The following TSPEAR variants were observed in gnomAD, a reference collection of about 807,000 sequenced individuals.
The protein encoded by TSPEAR is thrombospondin type laminin G domain and EAR repeats, also known as thrombospondin-type laminin G domain and EAR repeat-containing protein.
A neutral mutation model predicts 71.6 loss-of-function variants in TSPEAR; 69 were observed. That is an observed-to-expected ratio of 0.96 (90% CI 0.79 to 1.18). TSPEAR has a LOEUF of 1.18. Among genes scored for constraint, TSPEAR ranks in the 50% most tolerant of loss-of-function variants. The probability of loss-of-function intolerance (pLI) is 0.00; values close to 1 mark genes in which losing one functional copy is unlikely to be tolerated. For missense variants in TSPEAR, 971 were observed against 894.9 expected (o/e 1.09, Z -1.09); for synonymous variants, 402 against 387.2 (o/e 1.04, Z -0.45).
intron 1 of TSPEAR, chr21:44,654,402 A>G (rs369651413): frequency 1.9e-5 from 30 of 1,614,064 alleles, no homozygotes; most frequent in Non-Finnish European, 2.4e-5. Flanking sequence ...TCACAGGCAC[A>G]CAGCAGGCCA....
intron 1 of TSPEAR, among the ~76,000 whole-genome samples, chr21:44,602,865 C>T (rs1165233888): frequency 3.3e-5 from 5 of 152,138 alleles, no homozygotes; most frequent in African/African-American, 7.2e-5. Flanking sequence ...TGATTTTGCT[C>T]AGTGTCCTCC....
intron 1 of TSPEAR, among the ~76,000 whole-genome samples, chr21:44,603,137 G>A (rs1046992446): frequency 6.6e-6 from 1 of 152,104 alleles, no homozygotes; most frequent in Non-Finnish European, 1.5e-5. Flanking sequence ...CGCCTGCAAC[G>A]AGCTGTCCCT....
chr21:44,601,505 C>T (rs782308706), intron 1 of TSPEAR: 107 of 1,612,666 alleles, frequency 6.6e-5, no homozygotes, highest in Middle Eastern at 1.6e-4. Flanking sequence ...AGCTGCCAGC[C>T]GGCTTGCTGC....
At chr21:44,640,012 G>A (rs1485821855) in intron 1 of TSPEAR, among the ~76,000 whole-genome samples, 1 of 152,208 alleles carries the variant, frequency 6.6e-6, no homozygotes, top group Non-Finnish European at 1.5e-5. Flanking sequence ...GTGTGACCCT[G>A]TGACCCTGTC....
At chr21:44,601,337 G>A in intron 1 of TSPEAR, 3 of 1,613,490 alleles carry the variant, frequency 1.9e-6, no homozygotes, top group Non-Finnish European at 2.5e-6. Flanking sequence ...CCCGTCTGCT[G>A]TGTGCCCACC....
At chr21:44,606,663 T>C (rs1981335463) in intron 1 of TSPEAR, among the ~76,000 whole-genome samples, 1 of 152,198 alleles carries the variant, frequency 6.6e-6, no homozygotes, top group African/African-American at 2.4e-5. Context: ...GTGTGGCATA[T>C]ATACACAATG....
chr21:44,543,417 A>G (rs1390942593), intron 2 of TSPEAR, among the ~76,000 whole-genome samples: 1 of 152,230 alleles, frequency 6.6e-6, no homozygotes, highest in Non-Finnish European at 1.5e-5. Flanking sequence ...TTCATGTTAT[A>G]ATCTCCACTA....
chr21:44,606,631 A>G (rs1448540524), intron 1 of TSPEAR, among the ~76,000 whole-genome samples: 4 of 152,222 alleles, frequency 2.6e-5, no homozygotes, highest in Non-Finnish European at 4.4e-5. Flanking sequence ...TCAGTTCATC[A>G]ATTGATGAAT....
At position 44,528,432 on chromosome 21, in the gene TSPEAR, C is replaced by T. The variant is rs375774059; in HGVS notation, c.922+20G>A. 1.5e-4 allele frequency: 235 copies of T among 1,613,110 alleles called. No homozygotes were observed. The highest frequency in any genetic ancestry group is 1.8e-4 in the Non-Finnish European group (212 of 1,179,756). On this transcript the variant is annotated intron_variant, in intron 6 of 11. Coordinates refer to ENST00000323084, the MANE Select transcript of TSPEAR (RefSeq NM_144991.3). ...AGAGTGGCCCTGCATGCCAACGCCCCGGGTGCAGGGCTGCCTCACCTGCTA... is the reference window on the plus strand; with the variant it reads ...AGAGTGGCCCTGCATGCCAACGCCCTGGGTGCAGGGCTGCCTCACCTGCTA...
intron 1 of TSPEAR, among the ~76,000 whole-genome samples, chr21:44,583,298 A>G (rs1979127632): frequency 6.6e-6 from 1 of 152,160 alleles, no homozygotes; most frequent in Admixed American, 6.5e-5. Context: ...TGCAAGTGAC[A>G]CACGTTTGGA....
intron 2 of TSPEAR, among the ~76,000 whole-genome samples, chr21:44,562,644 G>C (rs186191641): frequency 2.6e-5 from 4 of 152,216 alleles, no homozygotes; most frequent in Admixed American, 1.3e-4. Flanking sequence ...TTATTTATAA[G>C]AGAACCATAA....
At chr21:44,616,896 C>T (rs1233707685) in intron 1 of TSPEAR, among the ~76,000 whole-genome samples, 2 of 152,212 alleles carry the variant, frequency 1.3e-5, no homozygotes, top group African/African-American at 4.8e-5. Context: ...AACAACCCAG[C>T]GAATTCAACA....
At chr21:44,573,685 G>T in intron 1 of TSPEAR, 1 of 1,566,634 alleles carries the variant, frequency 6.4e-7, no homozygotes, top group Non-Finnish European at 8.7e-7. Context: ...CCACAAACCC[G>T]AGCACCTCAC....
rs202206811 is a variant in TSPEAR, at chr21:44,580,443, A to G, written c.83-12438T>C. 43 of 1,613,026 alleles carry G rather than the reference A, an allele frequency of 2.7e-5. No homozygotes were observed. The highest frequency in any genetic ancestry group is 7.7e-5 in the South Asian group (7 of 91,028). On this transcript the variant is annotated intron_variant, in intron 1 of 11. Coordinates refer to ENST00000323084, the MANE Select transcript of TSPEAR (RefSeq NM_144991.3). The stretch of plus-strand genomic sequence containing the variant: ...GCCTGGCAGCAGGGGCTGGACACAC[A>G]GCTCACTGGGGTGCAGACCAGGGTC...
intron 2 of TSPEAR, among the ~76,000 whole-genome samples, chr21:44,538,629 T>G (rs373538366): frequency 8.2e-4 from 125 of 152,220 alleles, no homozygotes; most frequent in African/African-American, 2.9e-3. Context: ...TGACCAGGCC[T>G]GGAGGCTGCA....
At chr21:44,621,341 A>G (rs1181589734) in intron 1 of TSPEAR, among the ~76,000 whole-genome samples, 1 of 152,194 alleles carries the variant, frequency 6.6e-6, no homozygotes, top group Non-Finnish European at 1.5e-5. Context: ...TTTTTGTTTC[A>G]TATACATTGG....
At chr21:44,701,893 C>A (rs781836151) in intron 1 of TSPEAR, among the ~76,000 whole-genome samples, 3 of 152,196 alleles carry the variant, frequency 2.0e-5, no homozygotes, top group Non-Finnish European at 2.9e-5. Flanking sequence ...AGCTGCAATT[C>A]TGTGTCTTTC....
At chr21:44,666,059 G>A (rs9982452) in intron 1 of TSPEAR, 125,201 of 176,076 alleles carry the variant, frequency 0.71, 45,097 homozygotes, top group African/African-American at 0.82. Flanking sequence ...CCCTCCACCC[G>A]GGACACCACC....
chr21:44,628,708 C>T (rs1555935158), intron 1 of TSPEAR, among the ~76,000 whole-genome samples: 2 of 152,032 alleles, frequency 1.3e-5, no homozygotes, highest in African/African-American at 4.8e-5. Context: ...GTGGCAGGCC[C>T]CAGCTGTGCT....
Sources: allele counts gnomAD v4.1 joint callset (sites outside exome capture counted in the v4.1 genomes callset), GRCh38; gene constraint gnomAD v4.1.1; transcripts MANE v1.5; gene names NCBI Gene and HGNC (gene_info 2026-07-23, HGNC 2026-07-21).